The following GYS1 variants were observed in gnomAD, a reference collection of about 807,000 sequenced individuals.
GYS1 encodes glycogen synthase 1.
Under a neutral mutation model 89.1 loss-of-function variants are expected in GYS1, and 60 were observed. The observed-to-expected ratio is 0.67, with a 90% CI of 0.55 to 0.84. The LOEUF (loss-of-function observed/expected upper bound fraction) is 0.84, where lower values mean the gene tolerates loss of function less well. GYS1 is among the 40% of genes least tolerant of loss of function. GYS1 has a pLI of 0.00. For synonymous variants in GYS1, 366 were observed against 401.7 expected, an observed-to-expected ratio of 0.91 and a Z score of 1.06; for missense variants, 888 against 1,003.1, an observed-to-expected ratio of 0.89 and a Z score of 1.55.
chr19:48,979,063 T>G (rs563296252), intron 8 of GYS1, among the ~76,000 whole-genome samples: 4 of 152,276 alleles, frequency 2.6e-5, no homozygotes, highest in Admixed American at 2.6e-4. Context: ...AGGTTTGCGA[T>G]GAGGACCCAA....
chr19:48,971,567 T>C (rs78633382), intron 12 of GYS1, among the ~76,000 whole-genome samples: 1 of 151,440 alleles, frequency 6.6e-6, no homozygotes, highest in Non-Finnish European at 1.5e-5. Context: ...TTTTTTTTTT[T>C]CTTTCGAGAC....
At chr19:48,981,224 C>T (rs1160595682) in intron 8 of GYS1, among the ~76,000 whole-genome samples, 1 of 151,718 alleles carries the variant, frequency 6.6e-6, no homozygotes, top group Non-Finnish European at 1.5e-5. Flanking sequence ...ACTAGTCTGG[C>T]CAATGTGGTG....
chr19:48,973,638 C>A (rs1161407488), intron 12 of GYS1, among the ~76,000 whole-genome samples: 1 of 151,776 alleles, frequency 6.6e-6, no homozygotes, highest in Non-Finnish European at 1.5e-5. Flanking sequence ...TCTGCCTCAG[C>A]CTCCCAAGTA....
chr19:48,976,131 G>T (rs571861234), intron 10 of GYS1, among the ~76,000 whole-genome samples: 2 of 151,886 alleles, frequency 1.3e-5, no homozygotes, highest in African/African-American at 4.8e-5. Flanking sequence ...CTAGGGGCCC[G>T]AGAAACTACA....
chr19:48,982,081 T>C (rs1199289160), intron 7 of GYS1, among the ~76,000 whole-genome samples, 174 bp downstream of exon 7: 1 of 151,938 alleles, frequency 6.6e-6, no homozygotes, highest in Non-Finnish European at 1.5e-5. Context: ...TTTGTAGAGA[T>C]GGGGTTTCAC....
chr19:48,977,330 C>G (rs116266231), intron 10 of GYS1, among the ~76,000 whole-genome samples: 1 of 152,156 alleles, frequency 6.6e-6, no homozygotes, highest in Non-Finnish European at 1.5e-5. Context: ...CAGGGACTCA[C>G]GCTTGTAAAC....
intron 8 of GYS1, among the ~76,000 whole-genome samples, chr19:48,979,646 CTT>C (rs56291141): frequency 1.0e-4 from 12 of 114,960 alleles, no homozygotes; most frequent in African/African-American, 3.3e-4. Flanking sequence ...CTCTTTCTTT[CTT>C]TTTTTTTTTT....
rs2038525466 is a variant in GYS1 at position 48,969,764 on chromosome 19, G to A, written c.1890+11C>T. 2 of 1,612,730 alleles carry A rather than the reference G, an allele frequency of 1.2e-6. No individual in the cohort carries two copies. On this transcript the variant is annotated intron_variant, in intron 15 of 15. Transcript: ENST00000323798. Reference sequence around the variant, plus strand: ...AGCTCCTGGCTAAGCAGAAATCCAGGGTCCACTCACCGCATCCGCCTCGTT... The same window carrying A: ...AGCTCCTGGCTAAGCAGAAATCCAGAGTCCACTCACCGCATCCGCCTCGTT...
chr19:48,975,886 T>C (rs1600136372), intron 10 of GYS1, among the ~76,000 whole-genome samples: 1 of 120,842 alleles, frequency 8.3e-6, no homozygotes, highest in Non-Finnish European at 1.6e-5. Flanking sequence ...CACTCCAGCC[T>C]GGGCGACAGA....
Position 48,970,569 on chromosome 19 carries a change from G to A in GYS1, c.1786C>T (p.Leu596=). Residue 596 remains leucine, a synonymous_variant, in exon 14 of 16, where the codon CTG becomes TTG. Coordinates refer to ENST00000323798, the MANE Select transcript of GYS1 (RefSeq NM_002103.5). The stretch of plus-strand genomic sequence containing the variant: ...ACCCGGCCTAGGTATTTCCAGTCCA[G>A]AAGGTCGGAGAGGCGCTCCGTGCGG... ...RNRTERLSDL[L]DWKYLGRYYM... is the part of the protein sequence containing the mutation. 6.2e-7 allele frequency: 1 copy of A among 1,613,820 alleles called. No homozygotes were observed.
chr19:48,986,597 G>C, intron 3 of GYS1, among the ~76,000 whole-genome samples: 1 of 151,260 alleles, frequency 6.6e-6, no homozygotes, highest in South Asian at 2.1e-4. Context: ...CCGCCTCCCA[G>C]GTTCAAGCAA....
intron 5 of GYS1, among the ~76,000 whole-genome samples, chr19:48,984,108 C>T (rs957316352): frequency 2.6e-5 from 4 of 152,106 alleles, no homozygotes; most frequent in African/African-American, 9.7e-5. Flanking sequence ...AAGAGATTCT[C>T]CTGCCTCAGC....
rs530030708 is a variant in GYS1, at chr19:48,985,264, C to T, written c.823+197G>A. Among the ~76,000 whole-genome samples, 303 of 152,284 alleles carry T rather than the reference C, an allele frequency of 2.0e-3. 3 individuals are homozygous for T. The highest frequency in any genetic ancestry group is 7.0e-3 in the African/African-American group (292 of 41,564). On this transcript the variant is annotated intron_variant, in intron 5 of 15. Coordinates refer to ENST00000323798, the MANE Select transcript of GYS1 (RefSeq NM_002103.5). ...GTTGCCCAGGCTGGTCTCAAATTCC[C>T]GGGCTCAAGTGGTTCTCCTGCCTTG...
intron 5 of GYS1, 135 bp from the exon 6 acceptor site, chr19:48,982,972 C>T (rs1377775510): frequency 1.4e-6 from 1 of 719,056 alleles, no homozygotes; most frequent in Non-Finnish European, 2.5e-6. Context: ...GAGGTCCCCC[C>T]TCCCACCTTT....
chr19:48,973,647 T>C (rs2038600073), intron 12 of GYS1, among the ~76,000 whole-genome samples: 1 of 151,870 alleles, frequency 6.6e-6, no homozygotes. Context: ...GCCTCCCAAG[T>C]AGCTGAGACT....
chr19:48,980,866 G>T (rs955406596), intron 8 of GYS1, among the ~76,000 whole-genome samples: 3 of 152,054 alleles, frequency 2.0e-5, no homozygotes, highest in African/African-American at 7.2e-5. Context: ...TGGAATCCCA[G>T]CACTTTGGGA....
Position 48,987,183 on chromosome 19 carries a change from A to T in GYS1, c.492+11T>A, listed in dbSNP as rs761497163. 1 of 1,597,402 alleles carries T rather than the reference A, an allele frequency of 6.3e-7. No homozygotes were observed. Among genetic ancestry groups the T allele is most frequent in the South Asian group, 1.1e-5 (1 of 90,314 alleles). ...TTCAGGTATGGGTGGAATGTGTCAG[A>T]CGGGGCCTACCTCACCCAGGAACCA... On this transcript the variant is annotated intron_variant, in intron 3 of 15. Coordinates refer to ENST00000323798, the MANE Select transcript of GYS1 (RefSeq NM_002103.5).
intron 2 of GYS1, among the ~76,000 whole-genome samples, chr19:48,990,194 C>T (rs2038905651): frequency 6.7e-6 from 1 of 149,812 alleles, no homozygotes; most frequent in Non-Finnish European, 1.5e-5. Flanking sequence ...CCTGTCTGTC[C>T]CTTAGCCCTG....
intron 5 of GYS1, 131 bp from the exon 6 acceptor site, chr19:48,982,968 C>T: frequency 2.8e-6 from 2 of 722,088 alleles, no homozygotes; most frequent in Non-Finnish European, 5.0e-6. Context: ...CTATGAGGTC[C>T]CCCCTCCCAC....
Sources: allele counts gnomAD v4.1 joint callset (sites outside exome capture counted in the v4.1 genomes callset), GRCh38; gene constraint gnomAD v4.1.1; transcripts MANE v1.5; gene names NCBI Gene and HGNC (gene_info 2026-07-23, HGNC 2026-07-21).